Variants in ARHGAP35 observed in about 807,000 individuals in gnomAD.
ARHGAP35 encodes Rho GTPase activating protein 35.
A neutral mutation model predicts 111.1 loss-of-function variants in ARHGAP35; 15 were observed. The ratio of observed to expected loss-of-function variants is 0.13; its 90% CI spans 0.09 to 0.21. The LOEUF is 0.21. Ranked by LOEUF, ARHGAP35 falls within the 10% of genes least tolerant of loss-of-function variation. The pLI is 1.00. For synonymous variants in ARHGAP35, 643 were observed against 710.3 expected (o/e 0.91, Z 1.51); for missense variants, 1,262 against 1,873.0 (o/e 0.67, Z 6.02).
chr19:46,930,008 C>G (rs1487034128), intron 2 of ARHGAP35, among the ~76,000 whole-genome samples: 1 of 152,074 alleles, frequency 6.6e-6, no homozygotes, highest in Non-Finnish European at 1.5e-5. Context: ...AGCAGTCCTC[C>G]CATCTGGGCT....
intron 1 of ARHGAP35, among the ~76,000 whole-genome samples, chr19:46,875,230 TTC>T (rs1382903620): frequency 6.6e-6 from 1 of 152,044 alleles, no homozygotes; most frequent in African/African-American, 2.4e-5. Context: ...TGATCATTCT[TTC>T]TGTTGTCGGG....
chr19:46,885,157 C>T (rs1046859544), intron 1 of ARHGAP35, among the ~76,000 whole-genome samples: 1 of 152,114 alleles, frequency 6.6e-6, no homozygotes, highest in African/African-American at 2.4e-5. Flanking sequence ...TGAAAAGCGC[C>T]CCTTCTTATA....
intron 5 of ARHGAP35, among the ~76,000 whole-genome samples, chr19:46,995,349 C>T (rs1436221098): frequency 1.3e-5 from 2 of 152,098 alleles, no homozygotes; most frequent in South Asian, 2.1e-4. Flanking sequence ...TGCAGTGAGC[C>T]GAGATCGTGC....
intron 1 of ARHGAP35, among the ~76,000 whole-genome samples, chr19:46,891,084 G>C: frequency 6.6e-6 from 1 of 152,174 alleles, no homozygotes; most frequent in Non-Finnish European, 1.5e-5. Context: ...ACCCAGCTCT[G>C]CCACTTTCCA....
chr19:46,913,042 G>A (rs1334954190), intron 1 of ARHGAP35, among the ~76,000 whole-genome samples: 1 of 151,614 alleles, frequency 6.6e-6, no homozygotes, highest in Non-Finnish European at 1.5e-5. Context: ...TTGTAGTTCT[G>A]TATGAAATTA....
At chr19:46,972,868 C>T (rs1461274586) in intron 3 of ARHGAP35, among the ~76,000 whole-genome samples, 3 of 152,222 alleles carry the variant, frequency 2.0e-5, no homozygotes, top group African/African-American at 7.2e-5. Context: ...GCTAGCCACA[C>T]TGCCTTCCTT....
intron 1 of ARHGAP35, among the ~76,000 whole-genome samples, chr19:46,868,151 A>C (rs1353766729): frequency 1.3e-5 from 2 of 152,240 alleles, no homozygotes; most frequent in Non-Finnish European, 2.9e-5. Flanking sequence ...TACAGGTGTG[A>C]GCTACCGCGC....
At chr19:46,965,414 G>A (rs1459810689) in intron 3 of ARHGAP35, among the ~76,000 whole-genome samples, 1 of 152,122 alleles carries the variant, frequency 6.6e-6, no homozygotes, top group Non-Finnish European at 1.5e-5. Flanking sequence ...TCTCAAAAGT[G>A]CTTTAATAGC....
chr19:46,998,310 G>A (rs2056726421), intron 5 of ARHGAP35, among the ~76,000 whole-genome samples: 1 of 152,200 alleles, frequency 6.6e-6, no homozygotes, highest in South Asian at 2.1e-4. Context: ...GCCGCCAGCT[G>A]TGAGGTCGCT....
At chr19:46,948,623 A>T (rs1366255084) in intron 3 of ARHGAP35, 3 of 152,168 alleles carry the variant, frequency 2.0e-5, no homozygotes, top group Non-Finnish European at 4.4e-5. Context: ...CAACAGTGGG[A>T]TCTCAAAATT....
At chr19:46,997,304 C>T (rs2056716133) in intron 5 of ARHGAP35, among the ~76,000 whole-genome samples, 2 of 152,164 alleles carry the variant, frequency 1.3e-5, no homozygotes, top group African/African-American at 4.8e-5. Flanking sequence ...AGACACTGCT[C>T]TTATCAAGTC....
Position 46,922,901 on chromosome 19 carries a change from AC to A in ARHGAP35, c.3681+547del, listed in dbSNP as rs1403536430. 1.3e-5 allele frequency among the ~76,000 whole-genome samples: 2 copies of A among 152,086 alleles called. No individual in the cohort carries two copies. The highest frequency in any genetic ancestry group is 6.5e-5 in the Admixed American group (1 of 15,278). On this transcript the variant is annotated intron_variant, in intron 2 of 6. Transcript: ENST00000672722. The surrounding 1 kb of genome is among the most constrained non-coding windows in gnomAD (Gnocchi z 4.0). ...AGAATCTTGCCACTGAGAGTTATAA[AC>A]CTGTCCCGTATTTGTTAAATTGGAA...
intron 1 of ARHGAP35, among the ~76,000 whole-genome samples, chr19:46,892,138 A>G (rs1247285899): frequency 1.4e-4 from 21 of 150,052 alleles, no homozygotes; most frequent in East Asian, 1.9e-4. Flanking sequence ...AAAAAAAAAA[A>G]AAAAAAAAAG....
At chr19:46,872,926 CAATG>C (rs1454159568) in intron 1 of ARHGAP35, among the ~76,000 whole-genome samples, 1 of 150,918 alleles carries the variant, frequency 6.6e-6, no homozygotes, top group Non-Finnish European at 1.5e-5. Context: ...CAAATAATAA[CAATG>C]AACTGTTTAT....
chr19:46,915,052 CCT>C (rs1326793860), intron 1 of ARHGAP35, among the ~76,000 whole-genome samples: 2 of 152,166 alleles, frequency 1.3e-5, no homozygotes, highest in African/African-American at 4.8e-5. Flanking sequence ...CATCAGCACT[CCT>C]GTCTGAGGCT....
intron 1 of ARHGAP35, among the ~76,000 whole-genome samples, chr19:46,869,586 T>TGTG (rs1491403962): frequency 6.6e-6 from 1 of 152,052 alleles, no homozygotes; most frequent in Non-Finnish European, 1.5e-5. Flanking sequence ...AGGTCAAAAC[T>TGTG]GTGGCTTTAT....
intron 1 of ARHGAP35, among the ~76,000 whole-genome samples, chr19:46,911,114 GTCAA>G (rs1033259582): frequency 3.9e-5 from 6 of 152,180 alleles, no homozygotes; most frequent in South Asian, 4.1e-4. Flanking sequence ...CCCTTTTCCA[GTCAA>G]TCTGTCCCAA....
At chr19:46,893,855 C>T (rs2056039086) in intron 1 of ARHGAP35, among the ~76,000 whole-genome samples, 1 of 146,664 alleles carries the variant, frequency 6.8e-6, no homozygotes, top group Admixed American at 6.8e-5. Context: ...TTGTTTCTGC[C>T]TTAACATAAG....
At chr19:46,973,867 T>C (rs2056565852) in intron 3 of ARHGAP35, among the ~76,000 whole-genome samples, 2 of 151,592 alleles carry the variant, frequency 1.3e-5, no homozygotes, top group South Asian at 4.2e-4. Context: ...CCGAGCATGA[T>C]AGCGGACACC....
Sources: gnomAD v4.1 joint callset for allele counts (sites outside exome capture counted in the v4.1 genomes callset) on GRCh38, gnomAD v4.1.1 for gene constraint, Gnocchi (gnomAD v3.1) non-coding constraint, MANE v1.5 for transcripts, NCBI Gene and HGNC (gene_info 2026-07-23, HGNC 2026-07-21) for gene names.